The following LCMT1 variants were observed in gnomAD, a reference collection of about 807,000 sequenced individuals.
LCMT1 encodes the protein [Phosphatase 2A protein]-leucine-carboxy methyltransferase 1.
LCMT1 carries 32 observed loss-of-function variants against 47.7 expected under a neutral mutation model. The ratio of observed to expected loss-of-function variants is 0.67; its 90% CI spans 0.51 to 0.90. The LOEUF is 0.90. Ranked by LOEUF, LCMT1 falls within the 40% of genes least tolerant of loss-of-function variation. The pLI is 0.00. For missense variants in LCMT1, 375 were observed against 415.2 expected (o/e 0.90, Z 0.84); for synonymous variants, 152 against 149.7 (o/e 1.02, Z -0.11).
At chr16:25,116,507 T>C (rs1280229970) in intron 1 of LCMT1, among the ~76,000 whole-genome samples, 1 of 152,050 alleles carries the variant, frequency 6.6e-6, no homozygotes, top group Non-Finnish European at 1.5e-5. Flanking sequence ...ATGGCCTTCC[T>C]ATGGGTGCCA....
chr16:25,120,150 ACT>A (rs1304004694), intron 1 of LCMT1, among the ~76,000 whole-genome samples: 2 of 150,744 alleles, frequency 1.3e-5, no homozygotes, highest in African/African-American at 4.9e-5. Context: ...ACAGAGCGAG[ACT>A]CTGTCTGAAA....
At chr16:25,166,408 ATTTG>A (rs1961594107) in intron 7 of LCMT1, among the ~76,000 whole-genome samples, 1 of 151,514 alleles carries the variant, frequency 6.6e-6, no homozygotes, top group African/African-American at 2.4e-5. Flanking sequence ...CTTTTTATTT[ATTTG>A]TTTGTTTGAG....
At chr16:25,164,762 G>T in intron 7 of LCMT1, 44 bp downstream of exon 7, 1 of 1,613,192 alleles carries the variant, frequency 6.2e-7, no homozygotes, top group South Asian at 1.1e-5. Flanking sequence ...CAGGATCGCC[G>T]TGGTGGCTTC....
At chr16:25,123,600 CTTTTTTTTTTT>C (rs1173228613) in intron 1 of LCMT1, among the ~76,000 whole-genome samples, 13 of 63,488 alleles carry the variant, frequency 2.0e-4, no homozygotes, top group South Asian at 7.2e-4. Flanking sequence ...AAATTGCTTT[CTTTTTTTTTTT>C]TTTTTTTTTT....
chr16:25,112,399 C>T (rs1331782272), intron 1 of LCMT1, among the ~76,000 whole-genome samples: 1 of 152,190 alleles, frequency 6.6e-6, no homozygotes, highest in Admixed American at 6.5e-5. Flanking sequence ...GGTGTGATCC[C>T]TGTTGTGCAC....
intron 7 of LCMT1, among the ~76,000 whole-genome samples, 152 bp from the exon 8 acceptor site, chr16:25,168,960 C>T (rs1335141607): frequency 1.3e-5 from 2 of 152,206 alleles, no homozygotes; most frequent in East Asian, 1.9e-4. Flanking sequence ...CCGCCAGCAC[C>T]GTGCTGGTGC....
intron 1 of LCMT1, among the ~76,000 whole-genome samples, chr16:25,120,941 G>C (rs940559554): frequency 2.5e-5 from 1 of 39,356 alleles, no homozygotes; most frequent in Non-Finnish European, 5.3e-5. Flanking sequence ...TTTTTTTTTT[G>C]TAGAGACGGG....
intron 5 of LCMT1, among the ~76,000 whole-genome samples, chr16:25,156,562 G>T (rs1190733007): frequency 6.6e-6 from 1 of 152,242 alleles, no homozygotes; most frequent in African/African-American, 2.4e-5. Flanking sequence ...GGGAACAGAT[G>T]ATCTCAGCCA....
intron 6 of LCMT1, among the ~76,000 whole-genome samples, chr16:25,163,088 G>A (rs1044964436): frequency 2.6e-5 from 4 of 152,214 alleles, no homozygotes; most frequent in Admixed American, 6.5e-5. Flanking sequence ...TTTTGAACTC[G>A]TGAGCCCAAG....
intron 3 of LCMT1, among the ~76,000 whole-genome samples, chr16:25,133,007 G>A (rs996967550): frequency 2.0e-5 from 3 of 151,996 alleles, no homozygotes; most frequent in Non-Finnish European, 4.4e-5. Flanking sequence ...ACAGGCATGC[G>A]CCACCACATC....
chr16:25,177,347 C>A (rs2141725760), intron 10 of LCMT1, among the ~76,000 whole-genome samples: 1 of 152,266 alleles, frequency 6.6e-6, no homozygotes, highest in South Asian at 2.1e-4. Flanking sequence ...CTTTTCCCTT[C>A]CCCTCTATTT....
chr16:25,113,616 A>C (rs2141618425), intron 1 of LCMT1, among the ~76,000 whole-genome samples: 1 of 152,308 alleles, frequency 6.6e-6, no homozygotes, highest in South Asian at 2.1e-4. Flanking sequence ...AGTCTTAGAG[A>C]GAGTCCCTTA....
At chr16:25,165,304 A>G (rs1487244346) in intron 7 of LCMT1, among the ~76,000 whole-genome samples, 2 of 152,186 alleles carry the variant, frequency 1.3e-5, no homozygotes, top group Non-Finnish European at 2.9e-5. Flanking sequence ...CTGCCTGTTT[A>G]CTTCTTCTGA....
chr16:25,121,166 G>A (rs1267651531), intron 1 of LCMT1, among the ~76,000 whole-genome samples: 2 of 151,826 alleles, frequency 1.3e-5, no homozygotes, highest in African/African-American at 2.4e-5. Flanking sequence ...GGTGGCTCAC[G>A]CCTGTAATCC....
chr16:25,173,002 C>T (rs539024686), intron 9 of LCMT1, among the ~76,000 whole-genome samples: 4 of 152,344 alleles, frequency 2.6e-5, no homozygotes, highest in South Asian at 4.1e-4. Context: ...GTAACCCTCA[C>T]GGGGGAGGCG....
chr16:25,157,496 G>A (rs183858873), intron 5 of LCMT1, among the ~76,000 whole-genome samples: 28 of 152,038 alleles, frequency 1.8e-4, no homozygotes, highest in African/African-American at 6.0e-4. Context: ...AGCCATGATC[G>A]TGCCACCGCA....
chr16:25,164,544 G>A, intron 6 of LCMT1, 54 bp from the exon 7 acceptor site: 1 of 1,611,150 alleles, frequency 6.2e-7, no homozygotes, highest in African/African-American at 1.3e-5. Flanking sequence ...TACAATTAGA[G>A]GGTCCTGACT....
intron 1 of LCMT1, among the ~76,000 whole-genome samples, chr16:25,121,154 G>A (rs77408710): frequency 0.011 from 1,632 of 152,064 alleles, 31 homozygotes; most frequent in African/African-American, 0.037. Context: ...TTGGCCAGGC[G>A]TGGTGGCTCA....
chr16:25,156,360 C>T (rs908989598), intron 5 of LCMT1, among the ~76,000 whole-genome samples: 1 of 152,238 alleles, frequency 6.6e-6, no homozygotes, highest in Non-Finnish European at 1.5e-5. Context: ...GCACCAAGAG[C>T]AGTGCCTAGT....
Sources: gnomAD v4.1 joint callset for allele counts (sites outside exome capture counted in the v4.1 genomes callset) on GRCh38, gnomAD v4.1.1 for gene constraint, MANE v1.5 for transcripts, NCBI Gene and HGNC (gene_info 2026-07-23, HGNC 2026-07-21) for gene names.